ATP11A: variants seen among roughly 807,000 people sequenced by gnomAD.
The protein encoded by ATP11A is phospholipid-transporting ATPase IH.
A neutral mutation model predicts 154.4 loss-of-function variants in ATP11A; 81 were observed. The ratio of observed to expected loss-of-function variants is 0.52; its 90% CI spans 0.44 to 0.63. ATP11A has a LOEUF of 0.63. Ranked by LOEUF, ATP11A falls within the 30% of genes least tolerant of loss-of-function variation. ATP11A has a pLI of 0.00. For synonymous variants in ATP11A, 623 were observed against 585.9 expected, an observed-to-expected ratio of 1.06 and a Z score of -0.91; for missense variants, 1,316 against 1,474.3, an observed-to-expected ratio of 0.89 and a Z score of 1.76.
At chr13:112,836,048 C>G in intron 15 of ATP11A, 130 bp from the exon 16 acceptor site, 1 of 584,004 alleles carries the variant, frequency 1.7e-6, no homozygotes, top group Admixed American at 3.1e-5. Flanking sequence ...CACCCAGCAG[C>G]CCTCTGTGTG....
At chr13:112,719,285 A>C (rs967965582) in intron 1 of ATP11A, among the ~76,000 whole-genome samples, 7 of 152,246 alleles carry the variant, frequency 4.6e-5, no homozygotes, top group African/African-American at 1.7e-4. Context: ...CACCAGAGGC[A>C]ACACAAAAGC....
At chr13:112,857,958 C>T in intron 21 of ATP11A, 38 bp downstream of exon 21, 1 of 1,605,218 alleles carries the variant, frequency 6.2e-7, no homozygotes, top group Non-Finnish European at 8.5e-7. Context: ...TCCTGGTGGC[C>T]AGGTCACCCC....
At chr13:112,870,118 C>T (rs920904292) in intron 25 of ATP11A, among the ~76,000 whole-genome samples, 1 of 152,072 alleles carries the variant, frequency 6.6e-6, no homozygotes, top group African/African-American at 2.4e-5. Context: ...ATTTCCAAGC[C>T]AGAAGGAGGA....
At position 112,834,655 on chromosome 13, in the gene ATP11A, C is replaced by T. The variant is rs770395954; in HGVS notation, c.1626C>T (p.Ile542=). The T allele has an allele frequency of 7.4e-6, 12 of 1,612,692 alleles. No individual in the cohort carries two copies. The highest frequency in any genetic ancestry group is 1.3e-5 in the African/African-American group (1 of 74,902). The change falls in exon 15 of 30, where the codon ATC becomes ATT. Residue 542 remains isoleucine (I), a synonymous_variant. Coordinates refer to ENST00000375645, the MANE Select transcript of ATP11A (RefSeq NM_015205.3). ...AGATATTAAACAGGGAGAACCACAT[C>T]GAAAGGTATGTGCAGACCTCACCCT... The part of the protein sequence containing the change: ...YMEILNRENH[I]ERFELLEILS...
chr13:112,831,984 G>C (rs916223605), intron 13 of ATP11A, among the ~76,000 whole-genome samples: 7 of 148,422 alleles, frequency 4.7e-5, no homozygotes, highest in African/African-American at 1.5e-4. Context: ...CAGACACCGT[G>C]TGCACACACA....
intron 28 of ATP11A, among the ~76,000 whole-genome samples, chr13:112,876,899 G>T (rs561636948): frequency 1.1e-3 from 175 of 152,332 alleles, no homozygotes; most frequent in African/African-American, 3.9e-3. Flanking sequence ...GGGGGGCACA[G>T]CCTCACCCAC....
At position 112,838,211 on chromosome 13, in the gene ATP11A, C is replaced by T. The variant is rs932547335; in HGVS notation, c.1705+1960C>T. On this transcript the variant is annotated intron_variant, in intron 16 of 29. Coordinates refer to ENST00000375645, the MANE Select transcript of ATP11A (RefSeq NM_015205.3). The surrounding 1 kb of genome is among the most constrained non-coding windows in gnomAD (Gnocchi z 7.3). ...TGTGTCAGAACCCTTCCCCCCGGCT[C>T]GGATGAGGCGCAGTCCTGAGAGTCT... Among the ~76,000 whole-genome samples the T allele has an allele frequency of 2.0e-5, 3 of 152,126 alleles. No individual in the cohort carries two copies. Among genetic ancestry groups the T allele is most frequent in the African/African-American group, 7.2e-5 (3 of 41,434 alleles).
chr13:112,762,657 A>G (rs2076989476), intron 1 of ATP11A, among the ~76,000 whole-genome samples: 1 of 152,186 alleles, frequency 6.6e-6, no homozygotes, highest in Admixed American at 6.5e-5. Context: ...CTTAACTCCC[A>G]TGTCCCTGTG....
intron 1 of ATP11A, among the ~76,000 whole-genome samples, chr13:112,731,718 G>C (rs764718110): frequency 6.6e-6 from 1 of 152,156 alleles, no homozygotes; most frequent in Middle Eastern, 3.2e-3. Context: ...CCTATCCTAT[G>C]AGATCCATCA....
rs563554655 is a variant in ATP11A, at chr13:112,886,375, G to T, written c.*4509G>T. 1 of 152,236 alleles carries T rather than the reference G, an allele frequency of 6.6e-6. No homozygotes were observed. Among genetic ancestry groups the T allele is most frequent in the African/African-American group, 2.4e-5 (1 of 41,450 alleles). 9.4% of individuals were successfully genotyped at this position (152,236 alleles called of 1,614,324 possible). On this transcript the variant is annotated 3_prime_UTR_variant, in exon 30 of 30. Transcript: ENST00000375645. Reference sequence around the variant, plus strand: ...CAGCTCATGTGTTTTGCACTGACTAGTACTGAATAATACAACCACTCTTAT... The same window carrying T: ...CAGCTCATGTGTTTTGCACTGACTATTACTGAATAATACAACCACTCTTAT...
In ATP11A at chr13:112,845,647, C is replaced by T. The variant is rs931024795; in HGVS notation, c.1809+3268C>T. On this transcript the variant is annotated intron_variant, in intron 17 of 29. Transcript: ENST00000375645. The stretch of plus-strand genomic sequence containing the variant: ...TAACCAGTCCAGTTGCCAGCACTAG[C>T]GGTACTATTCAGTCCAGTTACCAGG... Among the ~76,000 whole-genome samples, 9 of 121,760 alleles carry T rather than the reference C, an allele frequency of 7.4e-5. 3 individuals are homozygous for T. The highest frequency in any genetic ancestry group is 3.6e-4 in the African/African-American group (9 of 24,848). 79.9% of individuals were successfully genotyped at this position (121,760 alleles called of 152,430 possible).
Position 112,838,086 on chromosome 13 carries a change from T to A in ATP11A, c.1705+1835T>A, listed in dbSNP as rs1480949498. 6.6e-6 allele frequency among the ~76,000 whole-genome samples: 1 copy of A among 152,160 alleles called. No homozygotes were observed. The highest frequency in any genetic ancestry group is 1.5e-5 in the Non-Finnish European group (1 of 68,016). On this transcript the variant is annotated intron_variant, in intron 16 of 29. Transcript: ENST00000375645. This position sits in a 1 kb window ranked among gnomAD's most constrained non-coding sequence, Gnocchi z 7.3. ...GTCATAGGATGAGGAACAATCTGTG[T>A]GTGAATGTTGCCAGGACTCCCACGA...
At chr13:112,777,215 A>T (rs965203258) in intron 1 of ATP11A, among the ~76,000 whole-genome samples, 5 of 152,152 alleles carry the variant, frequency 3.3e-5, no homozygotes, top group Non-Finnish European at 5.9e-5. Context: ...GTGCACAAAG[A>T]CTGTGTGTTT....
intron 12 of ATP11A, among the ~76,000 whole-genome samples, 168 bp downstream of exon 12, chr13:112,827,059 T>C (rs1171082118): frequency 2.0e-5 from 3 of 152,204 alleles, no homozygotes; most frequent in Admixed American, 1.3e-4. Flanking sequence ...AGCCGTGCTG[T>C]TACATTTACA....
intron 1 of ATP11A, among the ~76,000 whole-genome samples, chr13:112,714,697 G>T (rs2139590519): frequency 6.6e-6 from 1 of 152,326 alleles, no homozygotes; most frequent in East Asian, 1.9e-4. Context: ...AGCGGGTGGG[G>T]TGCTGAGAGC....
At chr13:112,765,950 G>A (rs1258763054) in intron 1 of ATP11A, among the ~76,000 whole-genome samples, 1 of 152,280 alleles carries the variant, frequency 6.6e-6, no homozygotes, top group Non-Finnish European at 1.5e-5. Context: ...GCAGGCCGGT[G>A]TCCGGCGTTG....
At chr13:112,778,666 GGAGTAGCCACTGGAGT>G (rs532006377) in intron 1 of ATP11A, among the ~76,000 whole-genome samples, 6,344 of 81,126 alleles carry the variant, frequency 0.078, 12 homozygotes, top group African/African-American at 0.12. Flanking sequence ...GCTGGAGTGA[GGAGTAGCCACTGGAGT>G]GAGTAGCCGC....
chr13:112,773,121 A>G (rs1303400656), intron 1 of ATP11A, among the ~76,000 whole-genome samples: 5 of 152,070 alleles, frequency 3.3e-5, no homozygotes, highest in Non-Finnish European at 5.9e-5. Context: ...CCCTTGTGCC[A>G]TGGCCCATCC....
Position 112,736,067 on chromosome 13 carries a change from G to GAGTC in ATP11A, c.39+45613_39+45616dup, listed in dbSNP as rs140070419. Among the ~76,000 whole-genome samples, 1,423 of 152,318 alleles carry GAGTC rather than the reference G, an allele frequency of 9.3e-3. 24 individuals are homozygous for GAGTC. Among genetic ancestry groups the GAGTC allele is most frequent in the African/African-American group, 0.031 (1,306 of 41,566 alleles). On this transcript the variant is annotated intron_variant, in intron 1 of 29. Transcript: ENST00000375645. The stretch of plus-strand genomic sequence containing the variant: ...TGTTCGCGTGCCCAGAGCAGGTGCA[G>GAGTC]AGTCCCTTTGACCTTGCTTAAGGAG...
Sources: allele counts gnomAD v4.1 joint callset (sites outside exome capture counted in the v4.1 genomes callset), GRCh38; gene constraint gnomAD v4.1.1; non-coding constraint Gnocchi (gnomAD v3.1); transcripts MANE v1.5; gene names NCBI Gene and HGNC (gene_info 2026-07-23, HGNC 2026-07-21).